Variants in DSCAM observed in about 807,000 individuals in gnomAD.
DSCAM encodes DS cell adhesion molecule.
A neutral mutation model predicts 217.7 loss-of-function variants in DSCAM; 47 were observed. That is an observed-to-expected ratio of 0.22 (90% CI 0.17 to 0.28). The LOEUF is 0.28. Ranked by LOEUF, DSCAM falls within the 10% of genes least tolerant of loss-of-function variation. The probability of loss-of-function intolerance (pLI) is 1.00; values close to 1 mark genes in which losing one functional copy is unlikely to be tolerated. For missense variants in DSCAM, 2,080 were observed against 2,618.3 expected (o/e 0.79, Z 4.49); for synonymous variants, 1,056 against 1,015.3 (o/e 1.04, Z -0.76).
intron 1 of DSCAM, among the ~76,000 whole-genome samples, chr21:40,743,951 A>G (rs778690900): frequency 1.1e-4 from 16 of 152,230 alleles, no homozygotes; most frequent in Admixed American, 2.6e-4. Flanking sequence ...GAAACTATTA[A>G]AAGACAAGAA....
intron 3 of DSCAM, among the ~76,000 whole-genome samples, chr21:40,629,953 A>G (rs2146316604): frequency 6.6e-6 from 1 of 152,360 alleles, no homozygotes; most frequent in Non-Finnish European, 1.5e-5. Context: ...AAATGACAAT[A>G]TAGACAACAT....
intron 3 of DSCAM, among the ~76,000 whole-genome samples, chr21:40,641,199 T>C (rs929779261): frequency 2.0e-5 from 3 of 152,142 alleles, no homozygotes; most frequent in African/African-American, 7.2e-5. Flanking sequence ...ACAGAGCGCA[T>C]GGCAGTGTGG....
At chr21:40,042,800 TCCTTGGCGGAGGCTCCTG>T in intron 31 of DSCAM, 127 bp from the exon 32 acceptor site, 1 of 911,198 alleles carries the variant, frequency 1.1e-6, no homozygotes, top group Non-Finnish European at 1.6e-6. Flanking sequence ...GAGTTCTGGC[TCCTTGGCGGAGGCTCCTG>T]CCTTAGGCAC....
At chr21:40,136,421 C>T (rs371974898) in intron 18 of DSCAM, among the ~76,000 whole-genome samples, 15 of 152,180 alleles carry the variant, frequency 9.9e-5, no homozygotes, top group African/African-American at 3.6e-4. Context: ...CTGGAGGCTG[C>T]AGTGAGCTGT....
chr21:40,292,678 G>A (rs1002539512), intron 10 of DSCAM, among the ~76,000 whole-genome samples: 2 of 151,832 alleles, frequency 1.3e-5, no homozygotes, highest in Non-Finnish European at 2.9e-5. Context: ...TTATCCCCAG[G>A]GATAAATGAA....
At chr21:40,630,381 C>G (rs1354292994) in intron 3 of DSCAM, among the ~76,000 whole-genome samples, 3 of 152,176 alleles carry the variant, frequency 2.0e-5, no homozygotes, top group Admixed American at 2.0e-4. Context: ...CAACAAAAAT[C>G]TCTGTCTCCA....
At position 40,148,129 on chromosome 21, in the gene DSCAM, A is replaced by G. The variant is rs188971400; in HGVS notation, c.3019-3398T>C. On this transcript the variant is annotated intron_variant, in intron 16 of 32. Transcript: ENST00000400454. The stretch of plus-strand genomic sequence containing the variant: ...TCTCCTCTATTTTTCTTAATATTCC[A>G]ATTTTGAAATGAAATATATGGAGTA... 5.3e-4 allele frequency among the ~76,000 whole-genome samples: 80 copies of G among 152,304 alleles called. 1 individual carries two copies. The highest frequency in any genetic ancestry group is 1.8e-3 in the African/African-American group (76 of 41,550).
At chr21:40,474,798 C>T (rs1393650578) in intron 3 of DSCAM, among the ~76,000 whole-genome samples, 5 of 152,140 alleles carry the variant, frequency 3.3e-5, no homozygotes, top group African/African-American at 1.2e-4. Flanking sequence ...AAGGGCAGTC[C>T]GTGTCCATTA....
At chr21:40,626,389 A>G (rs2089601474) in intron 3 of DSCAM, among the ~76,000 whole-genome samples, 1 of 152,078 alleles carries the variant, frequency 6.6e-6, no homozygotes, top group African/African-American at 2.4e-5. Context: ...CTCTGCACCC[A>G]TACTTTCCCC....
intron 11 of DSCAM, among the ~76,000 whole-genome samples, chr21:40,203,137 A>G (rs1223560924): frequency 6.6e-6 from 1 of 152,184 alleles, no homozygotes; most frequent in African/African-American, 2.4e-5. Flanking sequence ...CAGAATTTTA[A>G]ACCATGCAGC....
At position 40,480,274 on chromosome 21, in the gene DSCAM, T is replaced by C. The variant is rs575150836; in HGVS notation, c.509-111029A>G. ...GAAATAGTCTCTTTCTAGATGTGGCTGTATACACAAAAGTTAAAGAATCAC... is the reference window on the plus strand; with the variant it reads ...GAAATAGTCTCTTTCTAGATGTGGCCGTATACACAAAAGTTAAAGAATCAC... On this transcript the variant is annotated intron_variant, in intron 3 of 32. Transcript: ENST00000400454. Among the ~76,000 whole-genome samples, 10 of 152,334 alleles carry C rather than the reference T, an allele frequency of 6.6e-5. No individual in the cohort carries two copies. The South Asian group carries it at 2.1e-3, about 32-fold the overall frequency.
chr21:40,485,432 C>T (rs1453785599), intron 3 of DSCAM, among the ~76,000 whole-genome samples: 5 of 151,404 alleles, frequency 3.3e-5, no homozygotes, highest in East Asian at 2.0e-4. Flanking sequence ...TTAGTAGAGA[C>T]GGGGTTTCAC....
At chr21:40,459,050 A>C (rs535476655) in intron 3 of DSCAM, among the ~76,000 whole-genome samples, 8 of 152,278 alleles carry the variant, frequency 5.3e-5, no homozygotes, top group Admixed American at 5.2e-4. Flanking sequence ...AAATGACATA[A>C]GCATCCAACT....
intron 9 of DSCAM, among the ~76,000 whole-genome samples, chr21:40,298,746 C>T (rs1203064646): frequency 6.6e-6 from 1 of 152,126 alleles, no homozygotes; most frequent in Non-Finnish European, 1.5e-5. Flanking sequence ...CCATTTGGCT[C>T]AAGTTCTGCC....
chr21:40,227,712 TTA>T, intron 11 of DSCAM, among the ~76,000 whole-genome samples: 1 of 152,280 alleles, frequency 6.6e-6, no homozygotes, highest in Non-Finnish European at 1.5e-5. Context: ...ACATTTAGAT[TTA>T]TAGAAAAGTT....
chr21:40,240,593 A>G (rs1207939042), intron 11 of DSCAM, among the ~76,000 whole-genome samples: 4 of 152,030 alleles, frequency 2.6e-5, no homozygotes, highest in Non-Finnish European at 5.9e-5. Flanking sequence ...GCTGTTCCCA[A>G]TGTCAGAAAT....
intron 3 of DSCAM, among the ~76,000 whole-genome samples, chr21:40,379,374 G>A (rs1273020675): frequency 3.3e-5 from 5 of 152,190 alleles, no homozygotes; most frequent in African/African-American, 4.8e-5. Context: ...CATAGAAGGA[G>A]ATAAATTTAG....
At chr21:40,621,526 T>G (rs2089517117) in intron 3 of DSCAM, 1 of 152,086 alleles carries the variant, frequency 6.6e-6, no homozygotes, top group Non-Finnish European at 1.5e-5. Context: ...TGGATGCCCT[T>G]TGCAGCCAGG....
At chr21:40,563,736 TTA>T (rs201175050) in intron 3 of DSCAM, among the ~76,000 whole-genome samples, 10 of 146,762 alleles carry the variant, frequency 6.8e-5, no homozygotes, top group African/African-American at 9.9e-5. Context: ...GTTTATATGT[TTA>T]TATATAGTTA....
Sources: allele counts gnomAD v4.1 joint callset (sites outside exome capture counted in the v4.1 genomes callset), GRCh38; gene constraint gnomAD v4.1.1; transcripts MANE v1.5; gene names NCBI Gene and HGNC (gene_info 2026-07-23, HGNC 2026-07-21).